CTNNA3: variants seen among roughly 807,000 people sequenced by gnomAD.
CTNNA3 encodes the protein catenin alpha 3.
A neutral mutation model predicts 95.7 loss-of-function variants in CTNNA3; 76 were observed. The observed-to-expected ratio is 0.79, with a 90% CI of 0.66 to 0.96. The LOEUF is 0.96. Ranked by LOEUF, CTNNA3 falls within the 40% of genes least tolerant of loss-of-function variation. The pLI is 0.00. For synonymous variants in CTNNA3, 431 were observed against 374.4 expected, an observed-to-expected ratio of 1.15 and a Z score of -1.74; for missense variants, 1,191 against 1,089.8, an observed-to-expected ratio of 1.09 and a Z score of -1.31.
intron 7 of CTNNA3, among the ~76,000 whole-genome samples, chr10:66,910,716 G>GA (rs1340714822): frequency 6.6e-6 from 1 of 152,202 alleles, no homozygotes; most frequent in Non-Finnish European, 1.5e-5. Context: ...GTGACGTGGA[G>GA]AAAAGCAAAG....
intron 7 of CTNNA3, among the ~76,000 whole-genome samples, chr10:67,036,657 C>A (rs1259764674): frequency 2.6e-5 from 4 of 152,020 alleles, no homozygotes; most frequent in Non-Finnish European, 5.9e-5. Context: ...CTGCACCTGG[C>A]CAGGGGTTTT....
rs143013419 is a variant in CTNNA3 at position 67,305,769 on chromosome 10, T to C, written c.580-85899A>G. 3.9e-5 allele frequency among the ~76,000 whole-genome samples: 6 copies of C among 152,206 alleles called. No individual in the cohort carries two copies. In the South Asian group the frequency reaches 6.2e-4, roughly 16 times the overall value. ...TGAGAGATTAGGGAAGCAGACTCAA[T>C]AGGACCTGGTGACTATCTGGTTGAG... is the stretch of plus-strand genomic sequence containing the variant. On this transcript the variant is annotated intron_variant, in intron 5 of 17. Transcript: ENST00000433211.
chr10:67,028,584 C>T lies in CTNNA3; in HGVS notation c.1047+151733G>A, dbSNP rs144958688. Among the ~76,000 whole-genome samples the T allele has an allele frequency of 9.4e-5, 14 of 148,526 alleles. No individual in the cohort carries two copies. The East Asian group carries it at 2.8e-3, about 30-fold the overall frequency. On this transcript the variant is annotated intron_variant, in intron 7 of 17. Coordinates refer to ENST00000433211, the MANE Select transcript of CTNNA3 (RefSeq NM_013266.4). ...ATGTAGTTATGTCAAACAGCATGTG[C>T]AATGAGAATTTTCCAGGCCAAGAAG...
Position 67,563,769 on chromosome 10 carries a change from C to T in CTNNA3, c.293-24100G>A, listed in dbSNP as rs576436513. ...CTGACAAAGGGCTAATATCCAGAAT[C>T]GATAAAGAACTTAAACAAATTTACA... On this transcript the variant is annotated intron_variant, in intron 3 of 17. Transcript: ENST00000433211. Among the ~76,000 whole-genome samples the T allele has an allele frequency of 2.6e-5, 4 of 151,858 alleles. No individual in the cohort carries two copies. The South Asian group carries it at 6.3e-4, about 24-fold the overall frequency.
At chr10:67,191,397 C>T (rs939118816) in intron 6 of CTNNA3, among the ~76,000 whole-genome samples, 1 of 151,794 alleles carries the variant, frequency 6.6e-6, no homozygotes, top group African/African-American at 2.4e-5. Context: ...TAAACAAATC[C>T]AATAAAGTTG....
chr10:65,965,684 C>T (rs1211400652), intron 17 of CTNNA3, among the ~76,000 whole-genome samples: 3 of 151,924 alleles, frequency 2.0e-5, no homozygotes, highest in East Asian at 1.9e-4. Context: ...TCTGAAACAC[C>T]GCAACTGGCT....
At chr10:66,104,644 A>G (rs1018389025) in intron 13 of CTNNA3, among the ~76,000 whole-genome samples, 1 of 152,126 alleles carries the variant, frequency 6.6e-6, no homozygotes, top group Non-Finnish European at 1.5e-5. Flanking sequence ...TCCACTCTGT[A>G]TGATTCCTTT....
chr10:66,784,417 A>G lies in CTNNA3; in HGVS notation c.1048-8893T>C, dbSNP rs373641896. Among the ~76,000 whole-genome samples, 197 of 152,268 alleles carry G rather than the reference A, an allele frequency of 1.3e-3. 1 individual carries two copies. The highest frequency in any genetic ancestry group is 4.6e-3 in the African/African-American group (190 of 41,564). On this transcript the variant is annotated intron_variant, in intron 7 of 17. Transcript: ENST00000433211. The stretch of plus-strand genomic sequence containing the variant: ...GTTATGAAACTTGATTTGTGCAGAC[A>G]TCTTAAATTTTTAAAAATCTCATAA...
intron 7 of CTNNA3, among the ~76,000 whole-genome samples, chr10:67,001,569 A>G (rs1851695196): frequency 1.3e-5 from 2 of 152,054 alleles, no homozygotes; most frequent in South Asian, 4.1e-4. Flanking sequence ...AAAAAACCTT[A>G]TAATATATCA....
chr10:66,225,761 G>A (rs1406205017), intron 13 of CTNNA3, among the ~76,000 whole-genome samples: 1 of 151,348 alleles, frequency 6.6e-6, no homozygotes, highest in Non-Finnish European at 1.5e-5. Context: ...TTTAATAACA[G>A]CCATTCTAAT....
intron 10 of CTNNA3, among the ~76,000 whole-genome samples, chr10:66,606,585 A>G (rs1844130965): frequency 6.6e-6 from 1 of 152,140 alleles, no homozygotes. Context: ...CTACATCGCA[A>G]TCAAATTAGA....
intron 3 of CTNNA3, among the ~76,000 whole-genome samples, chr10:67,548,241 T>C (rs773882480): frequency 1.3e-5 from 2 of 152,166 alleles, no homozygotes; most frequent in Non-Finnish European, 2.9e-5. Context: ...CCCCTTTGCC[T>C]TCCACCATGA....
At position 67,102,355 on chromosome 10, in the gene CTNNA3, CA is replaced by C. The variant is rs1204802513; in HGVS notation, c.1047+77961del. Among the ~76,000 whole-genome samples, 92 of 151,670 alleles carry C rather than the reference CA, an allele frequency of 6.1e-4. No homozygotes were observed. The East Asian group carries it at 0.016, about 27-fold the overall frequency. ...AAATTTAAAACCAAGCAAACACACACACGCACATCAAAGTGGTGATGAGTCT... is the reference window on the plus strand; with the variant it reads ...AAATTTAAAACCAAGCAAACACACACCGCACATCAAAGTGGTGATGAGTCT... On this transcript the variant is annotated intron_variant, in intron 7 of 17. Coordinates refer to ENST00000433211, the MANE Select transcript of CTNNA3 (RefSeq NM_013266.4).
intron 11 of CTNNA3, among the ~76,000 whole-genome samples, chr10:66,425,051 C>T (rs1326870358): frequency 2.6e-5 from 4 of 151,934 alleles, no homozygotes; most frequent in African/African-American, 2.4e-5. Flanking sequence ...AAGCTATCTA[C>T]AAATAATTGT....
Position 66,972,471 on chromosome 10 carries a change from C to T in CTNNA3, c.1048-196947G>A, listed in dbSNP as rs148382042. 7.6e-4 allele frequency among the ~76,000 whole-genome samples: 115 copies of T among 152,028 alleles called. 1 individual carries two copies. Among genetic ancestry groups the T allele is most frequent in the Middle Eastern group, 3.4e-3 (1 of 292 alleles). On this transcript the variant is annotated intron_variant, in intron 7 of 17. Coordinates refer to ENST00000433211, the MANE Select transcript of CTNNA3 (RefSeq NM_013266.4). Reference sequence around the variant, plus strand: ...TGCCTTGCAGAATACATTTTATTAACGTAAAAATCATTATTTTCCTCTTAC... The same window carrying T: ...TGCCTTGCAGAATACATTTTATTAATGTAAAAATCATTATTTTCCTCTTAC...
At chr10:66,012,294 T>G (rs1216882124) in intron 15 of CTNNA3, among the ~76,000 whole-genome samples, 1 of 152,138 alleles carries the variant, frequency 6.6e-6, no homozygotes, top group African/African-American at 2.4e-5. Flanking sequence ...TATGATAAAA[T>G]ACTTGTTGGT....
intron 11 of CTNNA3, among the ~76,000 whole-genome samples, chr10:66,444,346 A>G (rs1201900017): frequency 6.6e-6 from 1 of 152,112 alleles, no homozygotes; most frequent in Non-Finnish European, 1.5e-5. Flanking sequence ...ACTCCTCGAG[A>G]AGAGCAACTC....
chr10:66,606,458 G>A (rs563212671), intron 10 of CTNNA3, among the ~76,000 whole-genome samples: 1 of 152,056 alleles, frequency 6.6e-6, no homozygotes, highest in African/African-American at 2.4e-5. Context: ...AAGCAAGAGA[G>A]AATACATTCT....
intron 7 of CTNNA3, among the ~76,000 whole-genome samples, chr10:66,857,392 T>C (rs1843724195): frequency 6.6e-6 from 1 of 151,324 alleles, no homozygotes; most frequent in African/African-American, 2.4e-5. Context: ...TGGACTAATT[T>C]TTTTTTTTTG....
Sources: allele counts gnomAD v4.1 joint callset (sites outside exome capture counted in the v4.1 genomes callset), GRCh38; gene constraint gnomAD v4.1.1; transcripts MANE v1.5; gene names NCBI Gene and HGNC (gene_info 2026-07-23, HGNC 2026-07-21).